ROBO1: variants seen among roughly 807,000 people sequenced by gnomAD.
The protein encoded by ROBO1 is roundabout guidance receptor 1.
In ROBO1, 149 loss-of-function variants were observed where a neutral mutation model predicts 195.9. The ratio of observed to expected loss-of-function variants is 0.76; its 90% CI spans 0.67 to 0.87. ROBO1 has a LOEUF of 0.87. Among genes scored for constraint, ROBO1 ranks in the 40% least tolerant of loss-of-function variants. ROBO1 has a pLI of 0.00. For missense variants in ROBO1, 1,933 were observed against 2,068.3 expected (o/e 0.93, Z 1.27); for synonymous variants, 816 against 733.2 (o/e 1.11, Z -1.82).
chr3:79,021,615 G>T (rs1244728299), intron 3 of ROBO1, among the ~76,000 whole-genome samples: 1 of 147,976 alleles, frequency 6.8e-6, no homozygotes, highest in African/African-American at 2.5e-5. Flanking sequence ...ACTTCAGTAA[G>T]CAACACCCAT....
intron 1 of ROBO1, among the ~76,000 whole-genome samples, chr3:79,701,339 T>C (rs1348847875): frequency 6.6e-6 from 1 of 151,780 alleles, no homozygotes; most frequent in African/African-American, 2.4e-5. Flanking sequence ...AATTTTAAGA[T>C]AGTTTTTTCT....
intron 3 of ROBO1, among the ~76,000 whole-genome samples, chr3:79,042,614 C>T (rs1214245009): frequency 6.6e-6 from 1 of 152,056 alleles, no homozygotes; most frequent in Non-Finnish European, 1.5e-5. Context: ...AAATGTAATC[C>T]TGCAGAGAGT....
chr3:78,924,360 A>ATT (rs1389865505), intron 4 of ROBO1, among the ~76,000 whole-genome samples: 2 of 134,770 alleles, frequency 1.5e-5, no homozygotes, highest in East Asian at 2.0e-4. Flanking sequence ...AAGAAAAATA[A>ATT]TCTATAATAA....
intron 5 of ROBO1, among the ~76,000 whole-genome samples, chr3:78,743,777 T>C (rs914705576): frequency 2.0e-5 from 3 of 152,186 alleles, no homozygotes; most frequent in Admixed American, 6.5e-5. Context: ...GACAAGTAGC[T>C]TCCTTGGTTG....
At chr3:79,537,037 A>T (rs1287633461) in intron 2 of ROBO1, among the ~76,000 whole-genome samples, 2 of 150,890 alleles carry the variant, frequency 1.3e-5, no homozygotes, top group Non-Finnish European at 3.0e-5. Context: ...AAGAAACAAT[A>T]TTTTTTTTTA....
intron 2 of ROBO1, among the ~76,000 whole-genome samples, chr3:79,240,098 G>A (rs1348453522): frequency 6.6e-6 from 1 of 152,052 alleles, no homozygotes; most frequent in Non-Finnish European, 1.5e-5. Flanking sequence ...TGTAGTACTT[G>A]TTATTAACTA....
chr3:78,997,016 T>C (rs1440231058), intron 3 of ROBO1, among the ~76,000 whole-genome samples: 1 of 152,154 alleles, frequency 6.6e-6, no homozygotes, highest in Non-Finnish European at 1.5e-5. Flanking sequence ...TGTCTGGATA[T>C]TTTTGCTGGT....
At chr3:79,587,644 T>C (rs982151703) in intron 2 of ROBO1, among the ~76,000 whole-genome samples, 26 of 151,862 alleles carry the variant, frequency 1.7e-4, no homozygotes, top group Admixed American at 1.4e-3. Flanking sequence ...AAGACACTAA[T>C]ATTTTGCCTT....
chr3:78,670,006 A>T, intron 11 of ROBO1, 90 bp downstream of exon 11: 2 of 935,296 alleles, frequency 2.1e-6, no homozygotes, highest in Non-Finnish European at 3.2e-6. Flanking sequence ...ACACTTCATT[A>T]ATTGCAAAGT....
At chr3:79,554,913 G>T (rs1942644851) in intron 2 of ROBO1, among the ~76,000 whole-genome samples, 2 of 152,034 alleles carry the variant, frequency 1.3e-5, no homozygotes, top group Non-Finnish European at 1.5e-5. Context: ...CATCAATCTG[G>T]CGTGTAGAAG....
At chr3:78,639,356 G>A (rs1003472536) in intron 22 of ROBO1, among the ~76,000 whole-genome samples, 5 of 151,954 alleles carry the variant, frequency 3.3e-5, no homozygotes, top group African/African-American at 7.2e-5. Flanking sequence ...CCAGCTACTC[G>A]GGAGGCTGAG....
At chr3:78,931,509 G>T (rs1345294571) in intron 4 of ROBO1, among the ~76,000 whole-genome samples, 2 of 151,794 alleles carry the variant, frequency 1.3e-5, no homozygotes, top group African/African-American at 4.8e-5. Context: ...GCCTCCCAAA[G>T]TGCTGGGATT....
chr3:78,771,766 A>G (rs1487134814), intron 4 of ROBO1, among the ~76,000 whole-genome samples: 3 of 152,164 alleles, frequency 2.0e-5, no homozygotes, highest in Non-Finnish European at 2.9e-5. Flanking sequence ...CTACTCATTT[A>G]TCAGTTCCAG....
chr3:79,498,916 T>G (rs1939898917), intron 2 of ROBO1, among the ~76,000 whole-genome samples: 1 of 150,442 alleles, frequency 6.6e-6, no homozygotes, highest in African/African-American at 2.5e-5. Flanking sequence ...ATAAAATGAA[T>G]ATTTAGTCAA....
chr3:79,350,655 G>C (rs2109263316), intron 2 of ROBO1, among the ~76,000 whole-genome samples: 1 of 152,258 alleles, frequency 6.6e-6, no homozygotes, highest in South Asian at 2.1e-4. Context: ...TATGAACCTT[G>C]AAAACATCAT....
In ROBO1 at chr3:79,265,095, A is replaced by G. The variant is rs11921718; in HGVS notation, c.89-139556T>C. 8.9e-3 allele frequency among the ~76,000 whole-genome samples: 1,351 copies of G among 151,998 alleles called. 18 individuals are homozygous for G. Among genetic ancestry groups the G allele is most frequent in the African/African-American group, 0.031 (1,278 of 41,536 alleles). ...AAGTTATTTATTAGAAATACCATCC[A>G]AAATCACATTAGGTTAAAATTACTT... On this transcript the variant is annotated intron_variant, in intron 2 of 30. Coordinates refer to ENST00000464233, the MANE Select transcript of ROBO1 (RefSeq NM_002941.4).
chr3:79,270,179 T>TTC (rs138141200), intron 2 of ROBO1, among the ~76,000 whole-genome samples: 19,650 of 140,466 alleles, frequency 0.14, 1,274 homozygotes, highest in African/African-American at 0.17. Flanking sequence ...ATACATAATG[T>TTC]TCTCTCTCTC....
chr3:79,582,342 T>C (rs946565138), intron 2 of ROBO1, among the ~76,000 whole-genome samples: 2 of 151,766 alleles, frequency 1.3e-5, no homozygotes, highest in African/African-American at 2.4e-5. Flanking sequence ...CCCCTTACTC[T>C]TTTAGAGATC....
chr3:78,699,025 C>A (rs755561986), intron 8 of ROBO1, among the ~76,000 whole-genome samples: 12 of 152,126 alleles, frequency 7.9e-5, no homozygotes, highest in African/African-American at 2.9e-4. Context: ...ATATTCCCTA[C>A]GTCCACTTAG....
Sources: allele counts gnomAD v4.1 joint callset (sites outside exome capture counted in the v4.1 genomes callset), GRCh38; gene constraint gnomAD v4.1.1; transcripts MANE v1.5; gene names NCBI Gene and HGNC (gene_info 2026-07-23, HGNC 2026-07-21).